The following KIF18A variants were observed in gnomAD, a reference collection of about 807,000 sequenced individuals.
KIF18A encodes kinesin-like protein KIF18A.
Under a neutral mutation model 103.3 loss-of-function variants are expected in KIF18A, and 67 were observed. The observed-to-expected ratio is 0.65, with a 90% CI of 0.53 to 0.79. The LOEUF (loss-of-function observed/expected upper bound fraction) is 0.79. KIF18A is among the 30% of genes least tolerant of loss of function. The probability of loss-of-function intolerance (pLI) is 0.00; values close to 1 mark genes in which losing one functional copy is unlikely to be tolerated. For missense variants in KIF18A, 1,032 were observed against 1,062.5 expected, an observed-to-expected ratio of 0.97 and a Z score of 0.40; for synonymous variants, 367 against 355.5, an observed-to-expected ratio of 1.03 and a Z score of -0.36.
chr11:28,021,348 A>G (rs1051202522), intron 16 of KIF18A, 66 bp from the exon 17 acceptor site: 10 of 1,169,360 alleles, frequency 8.6e-6, no homozygotes, highest in African/African-American at 1.6e-5. Flanking sequence ...TTCATCGTTC[A>G]ACTTATAAAA....
At position 28,021,030 on chromosome 11, in the gene KIF18A, CAAA is replaced by C. The variant is rs1333446227; in HGVS notation, c.*167_*169del. 1 of 535,552 alleles carries C rather than the reference CAAA, an allele frequency of 1.9e-6. No homozygotes were observed. Among genetic ancestry groups the C allele is most frequent in the African/African-American group, 2.0e-5 (1 of 50,758 alleles). 33.2% of individuals were successfully genotyped at this position (535,552 alleles called of 1,614,324 possible). A position where few individuals can be genotyped will look rare whatever the true frequency, so the allele number is the denominator to read the frequency against. On this transcript the variant is annotated 3_prime_UTR_variant, in exon 17 of 17. Transcript: ENST00000263181. The stretch of plus-strand genomic sequence containing the variant: ...TTTGAAATTTTATTTTTTTAGAACA[CAAA>C]AGAAGAAAACAAAGAGTTTCATTTT...
At chr11:28,076,922 A>C in intron 10 of KIF18A, 85 bp downstream of exon 10, 1 of 695,802 alleles carries the variant, frequency 1.4e-6, no homozygotes, top group Non-Finnish European at 2.1e-6. Flanking sequence ...CAACAGAAGA[A>C]GAGACTCCTT....
rs772712252 is a variant in KIF18A at position 28,074,790 on chromosome 11, A to G, written c.1425+2217T>C. ...AAGAAGAAAACATGTTTGGGGTGGT[A>G]GTTTGAGAGGAATGGGTTGTTACTT... On this transcript the variant is annotated intron_variant, in intron 10 of 16. Coordinates refer to ENST00000263181, the MANE Select transcript of KIF18A (RefSeq NM_031217.4). Among the ~76,000 whole-genome samples the G allele has an allele frequency of 9.9e-5, 15 of 152,258 alleles. No homozygotes were observed. The South Asian group carries it at 3.1e-3, about 32-fold the overall frequency.
chr11:28,092,208 G>C (rs1333994289), intron 3 of KIF18A, among the ~76,000 whole-genome samples: 2 of 151,998 alleles, frequency 1.3e-5, no homozygotes, highest in Non-Finnish European at 2.9e-5. Context: ...TCTTACTGTG[G>C]AAGATATCTA....
chr11:28,051,819 G>C (rs890966016), intron 13 of KIF18A, among the ~76,000 whole-genome samples: 6 of 151,850 alleles, frequency 4.0e-5, no homozygotes, highest in Admixed American at 3.3e-4. Context: ...CTTCTCTCCT[G>C]AACTTCAGAT....
chr11:28,101,294 C>T (rs548758516), intron 1 of KIF18A, among the ~76,000 whole-genome samples: 7 of 152,160 alleles, frequency 4.6e-5, no homozygotes, highest in Non-Finnish European at 7.4e-5. Context: ...AAATATTCAA[C>T]AATATTTTAA....
Position 28,083,226 on chromosome 11 carries a change from A to G in KIF18A, c.1092T>C (p.Leu364=), listed in dbSNP as rs955296293. The change falls in exon 8 of 17, where the codon CTT becomes CTC. Residue 364 remains leucine (L), a synonymous_variant. Coordinates refer to ENST00000263181, the MANE Select transcript of KIF18A (RefSeq NM_031217.4). The part of the protein sequence containing the change: ...DIKSSLKSNV[L]NVNNHITQYV... ...ATTGAGTTATATGATTATTGACATT[A>G]AGAACATTGCTCTTCAACTGTTGAA... The G allele has an allele frequency of 2.6e-6, 4 of 1,557,284 alleles. No individual in the cohort carries two copies. Among genetic ancestry groups the G allele is most frequent in the Middle Eastern group, 1.7e-4 (1 of 5,926 alleles).
chr11:28,099,801 C>T (rs952338767), intron 1 of KIF18A, among the ~76,000 whole-genome samples: 5 of 151,894 alleles, frequency 3.3e-5, no homozygotes, highest in Non-Finnish European at 7.4e-5. Context: ...GAAATGGAGG[C>T]CATTAAAAGA....
chr11:28,071,655 TA>T (rs998938018), intron 10 of KIF18A, among the ~76,000 whole-genome samples: 1 of 151,998 alleles, frequency 6.6e-6, no homozygotes, highest in African/African-American at 2.4e-5. Flanking sequence ...TTTGAAGTCC[TA>T]AATAATTTTT....
intron 3 of KIF18A, among the ~76,000 whole-genome samples, chr11:28,094,338 A>G (rs1317183503): frequency 6.6e-6 from 1 of 152,198 alleles, no homozygotes; most frequent in Non-Finnish European, 1.5e-5. Flanking sequence ...AACCTAGCTC[A>G]GAAAGAAAGA....
intron 1 of KIF18A, among the ~76,000 whole-genome samples, chr11:28,102,527 T>C (rs576676434): frequency 1.4e-4 from 22 of 152,284 alleles, no homozygotes; most frequent in African/African-American, 5.1e-4. Context: ...GGCTGAGTCA[T>C]GGGCCATGGT....
chr11:28,102,703 A>G (rs1453423664), intron 1 of KIF18A, among the ~76,000 whole-genome samples: 1 of 152,186 alleles, frequency 6.6e-6, no homozygotes, highest in Non-Finnish European at 1.5e-5. Flanking sequence ...GTATTTCCCT[A>G]TCTTTTAAAA....
intron 3 of KIF18A, among the ~76,000 whole-genome samples, 165 bp downstream of exon 3, chr11:28,094,478 A>T (rs912869624): frequency 1.1e-5 from 1 of 94,094 alleles, no homozygotes; most frequent in African/African-American, 4.7e-5. Flanking sequence ...TTGCCAAAGT[A>T]AAAAAAAAAA....
At chr11:28,062,640 G>T in intron 11 of KIF18A, 124 bp from the exon 12 acceptor site, 1 of 697,230 alleles carries the variant, frequency 1.4e-6, no homozygotes, top group East Asian at 3.4e-5. Context: ...AATATGTTTA[G>T]AAACAATTTG....
intron 13 of KIF18A, among the ~76,000 whole-genome samples, chr11:28,045,189 AG>A (rs1385973962): frequency 1.3e-5 from 2 of 152,082 alleles, no homozygotes; most frequent in African/African-American, 2.4e-5. Flanking sequence ...ACTTGAAAAA[AG>A]TTTGATAAAT....
In KIF18A at chr11:28,091,531, T is replaced by G; in HGVS notation, c.484-18A>C. The G allele has an allele frequency of 7.4e-7, 1 of 1,355,936 alleles. No homozygotes were observed. The highest frequency in any genetic ancestry group is 1.5e-5 in the African/African-American group (1 of 68,514). The allele number at this position is 1,355,936 out of a possible 1,614,324, so 84.0% of individuals were successfully genotyped here. On this transcript the variant is annotated intron_variant, in intron 3 of 16. Transcript: ENST00000263181. ...TTATATACCTTAAAATAAAAAGAACTGCTTTAGCATTGATGTAAAAAAAAA... is the reference window on the plus strand; with the variant it reads ...TTATATACCTTAAAATAAAAAGAACGGCTTTAGCATTGATGTAAAAAAAAA...
At chr11:28,040,270 T>C (rs1177480839) in intron 13 of KIF18A, among the ~76,000 whole-genome samples, 1 of 151,740 alleles carries the variant, frequency 6.6e-6, no homozygotes, top group African/African-American at 2.4e-5. Flanking sequence ...CAATAGGCTA[T>C]AAGAACTGTT....
intron 1 of KIF18A, among the ~76,000 whole-genome samples, chr11:28,098,255 T>C (rs1050241728): frequency 6.6e-6 from 1 of 152,120 alleles, no homozygotes; most frequent in African/African-American, 2.4e-5. Context: ...TAAAAATCTC[T>C]TTACCTGAAA....
intron 13 of KIF18A, among the ~76,000 whole-genome samples, chr11:28,043,548 A>G (rs1193525092): frequency 7.2e-5 from 11 of 152,050 alleles, no homozygotes; most frequent in Non-Finnish European, 1.6e-4. Flanking sequence ...TCACTTAGGC[A>G]ATGACTAAAT....
Sources: allele counts gnomAD v4.1 joint callset (sites outside exome capture counted in the v4.1 genomes callset), GRCh38; gene constraint gnomAD v4.1.1; transcripts MANE v1.5; gene names NCBI Gene and HGNC (gene_info 2026-07-23, HGNC 2026-07-21).